SCN7A: variants seen among roughly 807,000 people sequenced by gnomAD.
SCN7A encodes the protein sodium voltage-gated channel alpha subunit 7.
In SCN7A, 138 loss-of-function variants were observed where a neutral mutation model predicts 155.2. The observed-to-expected ratio is 0.89, with a 90% CI of 0.77 to 1.02. The LOEUF (loss-of-function observed/expected upper bound fraction) is 1.02. Ranked by LOEUF, SCN7A falls within the 50% of genes least tolerant of loss-of-function variation. The pLI is 0.00. For synonymous variants in SCN7A, 693 were observed against 649.0 expected, an observed-to-expected ratio of 1.07 and a Z score of -1.03; for missense variants, 2,058 against 1,986.6, an observed-to-expected ratio of 1.04 and a Z score of -0.68.
chr2:166,439,207 T>C (rs1701905220), intron 15 of SCN7A, among the ~76,000 whole-genome samples: 1 of 151,658 alleles, frequency 6.6e-6, no homozygotes, highest in Non-Finnish European at 1.5e-5. Flanking sequence ...ATTACACTTA[T>C]CCTCTTATTA....
In SCN7A at chr2:166,405,417, T is replaced by G; in HGVS notation, c.*163A>C. On this transcript the variant is annotated 3_prime_UTR_variant, in exon 26 of 26. Transcript: ENST00000643258. ...AAGGATTCTCTTGATTTGTTAGATA[T>G]AATGCTAAAAAGTGAATTTGGCATG... 1 of 583,938 alleles carries G rather than the reference T, an allele frequency of 1.7e-6. No individual in the cohort carries two copies. The highest frequency in any genetic ancestry group is 2.4e-5 in the South Asian group (1 of 41,048). The allele number at this position is 583,938 out of a possible 1,614,324, so 36.2% of individuals were successfully genotyped here.
intron 25 of SCN7A, among the ~76,000 whole-genome samples, chr2:166,409,248 ACT>A (rs1226727434): frequency 6.6e-6 from 1 of 151,936 alleles, no homozygotes; most frequent in Non-Finnish European, 1.5e-5. Context: ...AAAGCCTGAA[ACT>A]CTAATGTTGT....
chr2:166,423,692 T>C (rs1029960889), intron 18 of SCN7A, among the ~76,000 whole-genome samples: 6 of 152,064 alleles, frequency 3.9e-5, no homozygotes, highest in Admixed American at 1.3e-4. Flanking sequence ...GGCTTCATAA[T>C]TGTTTTAAAT....
At chr2:166,460,304 G>A (rs35704933) in intron 10 of SCN7A, among the ~76,000 whole-genome samples, 44,123 of 151,864 alleles carry the variant, frequency 0.29, 6,838 homozygotes, top group Non-Finnish European at 0.35. Flanking sequence ...AGCAAAACCT[G>A]TATTATTATA....
intron 21 of SCN7A, 148 bp downstream of exon 21, chr2:166,416,559 G>T: frequency 1.5e-6 from 1 of 683,926 alleles, no homozygotes; most frequent in South Asian, 2.1e-5. Context: ...GGGTTCCCCC[G>T]ATAGTTGTAT....
Position 166,457,085 on chromosome 2 carries a change from A to G in SCN7A, c.1084-9T>C. 6.3e-7 allele frequency: 1 copy of G among 1,578,844 alleles called. No individual in the cohort carries two copies. The highest frequency in any genetic ancestry group is 8.6e-7 in the Non-Finnish European group (1 of 1,159,196). ...CCAGAAGCATAAAGTATCTAAGGAA[A>G]GGTAGAAAGTAAGGCAAAAGAGTAA... is the stretch of plus-strand genomic sequence containing the variant. On this transcript the variant is annotated splice_polypyrimidine_tract_variant and intron_variant, in intron 10 of 25. Transcript: ENST00000643258.
chr2:166,434,723 A>G (rs2105418697), intron 15 of SCN7A, among the ~76,000 whole-genome samples: 1 of 152,222 alleles, frequency 6.6e-6, no homozygotes, highest in East Asian at 1.9e-4. Flanking sequence ...ATAATTTAAG[A>G]TAGTCAGTTG....
chr2:166,488,632 C>CTTT (rs200899928), intron 1 of SCN7A, among the ~76,000 whole-genome samples: 7 of 144,694 alleles, frequency 4.8e-5, no homozygotes, highest in Non-Finnish European at 6.1e-5. Flanking sequence ...TCAACAGTTT[C>CTTT]TTTTTTTTTT....
At chr2:166,430,534 T>C (rs1399425046) in intron 16 of SCN7A, among the ~76,000 whole-genome samples, 1 of 151,938 alleles carries the variant, frequency 6.6e-6, no homozygotes, top group Admixed American at 6.6e-5. Context: ...GCCTTGTACA[T>C]ATCCTATTTG....
chr2:166,448,241 TTAACA>T (rs1354292667), intron 11 of SCN7A, among the ~76,000 whole-genome samples: 1 of 152,196 alleles, frequency 6.6e-6, no homozygotes, highest in Admixed American at 6.5e-5. Flanking sequence ...CTTATTTCAC[TTAACA>T]TAACCTCAAG....
chr2:166,457,756 A>C (rs1215138472), intron 10 of SCN7A, among the ~76,000 whole-genome samples: 1 of 152,218 alleles, frequency 6.6e-6, no homozygotes, highest in East Asian at 1.9e-4. Context: ...ATAATTTCCT[A>C]AGACAGATCA....
At chr2:166,451,562 T>C (rs1231284655) in intron 11 of SCN7A, among the ~76,000 whole-genome samples, 1 of 152,192 alleles carries the variant, frequency 6.6e-6, no homozygotes, top group African/African-American at 2.4e-5. Flanking sequence ...TAGTCACATG[T>C]CTCACATTTA....
At position 166,465,793 on chromosome 2, in the gene SCN7A, A is replaced by G. The variant is rs759052606; in HGVS notation, c.859T>C (p.Tyr287His). The stretch of plus-strand genomic sequence containing the variant: ...AGGTGATTCTTACCTCGAATATAAT[A>G]TGGGTTTCCAGTTCTGTTGTGCAGG... ...ETLHNRTGNP[Y>H]YIRETENFYY... is the part of the protein sequence containing the mutation. Residue 287 changes from tyrosine to histidine, a missense_variant, in exon 8 of 26, where the codon TAT becomes CAT. Transcript: ENST00000643258. 14 of 1,613,636 alleles carry G rather than the reference A, an allele frequency of 8.7e-6. No homozygotes were observed. In the East Asian group the frequency reaches 1.6e-4, roughly 18 times the overall value.
intron 1 of SCN7A, among the ~76,000 whole-genome samples, chr2:166,487,927 C>T (rs1055496988): frequency 9.2e-5 from 14 of 152,178 alleles, no homozygotes; most frequent in Non-Finnish European, 1.9e-4. Context: ...AACAATTATG[C>T]TGTACATCAG....
chr2:166,488,910 C>A lies in SCN7A; in HGVS notation c.-127-1942G>T, dbSNP rs76899040. On this transcript the variant is annotated intron_variant, in intron 1 of 25. Transcript: ENST00000643258. The stretch of plus-strand genomic sequence containing the variant: ...ACCTCAGCCTCCCAAAGTGCTGAGA[C>A]TACAGGTGTGAGCCACTGCGCCCGA... Among the ~76,000 whole-genome samples the A allele has an allele frequency of 3.0e-4, 45 of 152,240 alleles. No individual in the cohort carries two copies. The East Asian group carries it at 8.1e-3, about 28-fold the overall frequency.
chr2:166,409,979 A>G (rs1272999668), intron 24 of SCN7A, 44 bp from the exon 25 acceptor site: 2 of 1,427,696 alleles, frequency 1.4e-6, no homozygotes, highest in Admixed American at 2.5e-5. Flanking sequence ...TTAATAGGAT[A>G]CATATACATA....
chr2:166,423,562 A>G, intron 18 of SCN7A, 130 bp from the exon 19 acceptor site: 1 of 1,031,884 alleles, frequency 9.7e-7, no homozygotes, highest in East Asian at 2.9e-5. Flanking sequence ...TGTAGGCTCC[A>G]GGGCTGGTTC....
intron 6 of SCN7A, among the ~76,000 whole-genome samples, chr2:166,471,336 T>G (rs1702650355): frequency 6.6e-6 from 1 of 151,694 alleles, no homozygotes; most frequent in African/African-American, 2.4e-5. Context: ...ATTCAGAGGG[T>G]TTTTTGAGAG....
chr2:166,469,262 G>A (rs913438998), intron 7 of SCN7A, among the ~76,000 whole-genome samples: 10 of 151,218 alleles, frequency 6.6e-5, no homozygotes, highest in African/African-American at 2.4e-4. Flanking sequence ...CTTGTTTGAT[G>A]CACTTATAAT....
Sources: allele counts gnomAD v4.1 joint callset (sites outside exome capture counted in the v4.1 genomes callset), GRCh38; gene constraint gnomAD v4.1.1; transcripts MANE v1.5; gene names NCBI Gene and HGNC (gene_info 2026-07-23, HGNC 2026-07-21).